RPS18: variants seen among roughly 807,000 people sequenced by gnomAD.
The protein encoded by RPS18 is ribosomal protein S18, also known as small ribosomal subunit protein uS13.
For missense variants in RPS18, 49 were observed against 200.8 expected (o/e 0.24, Z 4.57); for synonymous variants, 64 against 70.9 (o/e 0.90, Z 0.49).
rs778810749 is a variant in RPS18 at position 33,272,105 on chromosome 6, G to C, written c.-15G>C. 1.0e-5 allele frequency: 16 copies of C among 1,567,232 alleles called. No homozygotes were observed. Among genetic ancestry groups the C allele is most frequent in the Middle Eastern group, 1.7e-4 (1 of 6,032 alleles). On this transcript the variant is annotated 5_prime_UTR_variant, in exon 1 of 6. Coordinates refer to ENST00000439602, the MANE Select transcript of RPS18 (RefSeq NM_022551.3). ...TTCCACAGGAGGCCTACACGCCGCCGCTTGTGCTGCAGCCATGGTAAGACT... is the reference window on the plus strand; with the variant it reads ...TTCCACAGGAGGCCTACACGCCGCCCCTTGTGCTGCAGCCATGGTAAGACT...
At chr6:33,275,598 C>T (rs551655388) in intron 2 of RPS18, 199 bp from the exon 3 acceptor site, 6 of 610,130 alleles carry the variant, frequency 9.8e-6, no homozygotes, top group South Asian at 1.9e-5. Context: ...GGATTACAGG[C>T]GTGAGCCACT....
chr6:33,275,820 T>C lies in RPS18; in HGVS notation c.126T>C (p.His42=). Residue 42 remains histidine (H), a synonymous_variant, in exon 3 of 6, where the codon CAT becomes CAC. Coordinates refer to ENST00000439602, the MANE Select transcript of RPS18 (RefSeq NM_022551.3). The part of the protein sequence containing the change: ...AIKGVGRRYA[H]VVLRKADIDL... The stretch of plus-strand genomic sequence containing the variant: ...AGGGTGTGGGCCGAAGATATGCTCA[T>C]GTGGTGTTGAGGAAAGCAGACATTG... 1.2e-6 allele frequency: 2 copies of C among 1,611,864 alleles called. No individual in the cohort carries two copies. Among genetic ancestry groups the C allele is most frequent in the South Asian group, 1.1e-5 (1 of 91,020 alleles).
chr6:33,276,044 T>G lies in RPS18; in HGVS notation c.269T>G (p.Val90Gly). ...PDWFLNRQKD[V>G]KDGKYSQVLA... ...TGGTTCTTGAACAGACAGAAGGATG[T>G]AAAGGATGGAAAATACAGCCAGGTG... The change falls in exon 4 of 6, where the codon GTA becomes GGA. Residue 90 changes from valine to glycine, a missense_variant. Coordinates refer to ENST00000439602, the MANE Select transcript of RPS18 (RefSeq NM_022551.3). The G allele has an allele frequency of 5.0e-6, 8 of 1,613,898 alleles. No homozygotes were observed. Among genetic ancestry groups the G allele is most frequent in the Non-Finnish European group, 6.8e-6 (8 of 1,179,858 alleles).
intron 2 of RPS18, among the ~76,000 whole-genome samples, chr6:33,273,297 A>G (rs1381509041): frequency 2.0e-5 from 3 of 152,208 alleles, no homozygotes; most frequent in Admixed American, 1.3e-4. Context: ...TAAGAATCGA[A>G]TCAATGAATG....
At chr6:33,275,723 C>CT (rs1196562244) in intron 2 of RPS18, 74 bp from the exon 3 acceptor site, 3 of 994,370 alleles carry the variant, frequency 3.0e-6, no homozygotes, top group African/African-American at 1.6e-5. Context: ...CCTTTGTGAG[C>CT]TTTTTGAATG....
Position 33,272,740 on chromosome 6 carries a change from G to A in RPS18, c.102+14G>A, listed in dbSNP as rs760722619. ...ACTGCCATTAAGGTAAGTGAAGTAG[G>A]GTAAGGAATAGGGAATGTAAATGAG... On this transcript the variant is annotated intron_variant, in intron 2 of 5. Transcript: ENST00000439602. 11 of 1,261,212 alleles carry A rather than the reference G, an allele frequency of 8.7e-6. No homozygotes were observed. The South Asian group carries it at 1.2e-4, about 14-fold the overall frequency. 78.1% of individuals were successfully genotyped at this position (1,261,212 alleles called of 1,614,324 possible).
rs117814038 is a variant in RPS18 at position 33,273,768 on chromosome 6, T to A, written c.102+1042T>A. Among the ~76,000 whole-genome samples, 164 of 152,314 alleles carry A rather than the reference T, an allele frequency of 1.1e-3. 6 individuals are homozygous for A. The East Asian group carries it at 0.028, about 26-fold the overall frequency. ...CACACCCATTTTGAAGTAAATCTTTTCACTTGTAAACATATAATTAAATTT... is the reference window on the plus strand; with the variant it reads ...CACACCCATTTTGAAGTAAATCTTTACACTTGTAAACATATAATTAAATTT... On this transcript the variant is annotated intron_variant, in intron 2 of 5. Transcript: ENST00000439602.
At chr6:33,276,087 A>G in intron 4 of RPS18, 21 bp downstream of exon 4, 1 of 1,608,866 alleles carries the variant, frequency 6.2e-7, no homozygotes. Context: ...AAATGAGGGC[A>G]GGATTAGAGG....
At chr6:33,275,484 T>C (rs1308197116) in intron 2 of RPS18, 2 of 315,626 alleles carry the variant, frequency 6.3e-6, no homozygotes, top group Non-Finnish European at 1.2e-5. Flanking sequence ...CTCAGCAACT[T>C]TTCTTGTATT....
chr6:33,272,770 G>C, intron 2 of RPS18, 44 bp downstream of exon 2: 1 of 971,456 alleles, frequency 1.0e-6, no homozygotes, highest in Non-Finnish European at 1.7e-6. Context: ...AATGAGAATT[G>C]GGTTGTGAAG....
At chr6:33,272,819 T>C (rs1226372502) in intron 2 of RPS18, 93 bp downstream of exon 2, 4 of 766,038 alleles carry the variant, frequency 5.2e-6, no homozygotes, top group Non-Finnish European at 9.7e-6. Context: ...GAGACTTGAG[T>C]CTCATCCAGA....
At chr6:33,273,466 GTCT>G (rs1002696843) in intron 2 of RPS18, among the ~76,000 whole-genome samples, 36 of 152,096 alleles carry the variant, frequency 2.4e-4, no homozygotes, top group Admixed American at 1.5e-3. Context: ...GGCTAGGCCT[GTCT>G]TCTTGGCTTC....
Position 33,276,172 on chromosome 6 carries a change from C to T in RPS18, c.292-4C>T. ...ACATCCCTTGCCCCCTCCTCTGAATCCAGGTCCTAGCCAATGGTCTGGACA... is the reference window on the plus strand; with the variant it reads ...ACATCCCTTGCCCCCTCCTCTGAATTCAGGTCCTAGCCAATGGTCTGGACA... On this transcript the variant is annotated splice_polypyrimidine_tract_variant and splice_region_variant and intron_variant, in intron 4 of 5. Coordinates refer to ENST00000439602, the MANE Select transcript of RPS18 (RefSeq NM_022551.3). 1 of 1,613,982 alleles carries T rather than the reference C, an allele frequency of 6.2e-7. No homozygotes were observed. The highest frequency in any genetic ancestry group is 8.5e-7 in the Non-Finnish European group (1 of 1,179,862).
rs1765308860 is a variant in RPS18 at position 33,272,737 on chromosome 6, T to C, written c.102+11T>C. 1.1e-5 allele frequency: 15 copies of C among 1,309,680 alleles called. No individual in the cohort carries two copies. Among genetic ancestry groups the C allele is most frequent in the South Asian group, 2.4e-5 (2 of 84,780 alleles). The allele number at this position is 1,309,680 out of a possible 1,614,324, so 81.1% of individuals were successfully genotyped here. Reference sequence around the variant, plus strand: ...ATCACTGCCATTAAGGTAAGTGAAGTAGGGTAAGGAATAGGGAATGTAAAT... The same window carrying C: ...ATCACTGCCATTAAGGTAAGTGAAGCAGGGTAAGGAATAGGGAATGTAAAT... On this transcript the variant is annotated intron_variant, in intron 2 of 5. Transcript: ENST00000439602.
intron 1 of RPS18, 56 bp from the exon 2 acceptor site, chr6:33,272,572 C>G: frequency 1.2e-6 from 1 of 840,076 alleles, no homozygotes; most frequent in Non-Finnish European, 2.1e-6. Context: ...CCTTATCGGC[C>G]TTACTGTTTG....
intron 2 of RPS18, among the ~76,000 whole-genome samples, chr6:33,274,418 C>T (rs1464366806): frequency 6.6e-6 from 1 of 152,210 alleles, no homozygotes; most frequent in Non-Finnish European, 1.5e-5. Flanking sequence ...CTCAGTGATC[C>T]TCCAGCCTCA....
chr6:33,275,567 C>T lies in RPS18; in HGVS notation c.103-230C>T, dbSNP rs142856325. 1.0e-4 allele frequency: 57 copies of T among 566,316 alleles called. No homozygotes were observed. The East Asian group carries it at 1.7e-3, about 17-fold the overall frequency. The allele number at this position is 566,316 out of a possible 1,614,324, so 35.1% of individuals were successfully genotyped here. On this transcript the variant is annotated intron_variant, in intron 2 of 5. Coordinates refer to ENST00000439602, the MANE Select transcript of RPS18 (RefSeq NM_022551.3). ...TCCTGCCCTCAATGTCATCTGCCCA[C>T]TTGGGCCTCCCAAAGTGCTGGGATT...
chr6:33,276,476 C>A lies in RPS18; in HGVS notation c.*10C>A, dbSNP rs778880535. The A allele has an allele frequency of 1.9e-5, 30 of 1,588,488 alleles. No homozygotes were observed. The highest frequency in any genetic ancestry group is 2.2e-5 in the East Asian group (1 of 44,774). On this transcript the variant is annotated 3_prime_UTR_variant, in exon 6 of 6. Transcript: ENST00000439602. ...GTCCAAGAAGAAATAAGTCTGTAGG[C>A]CTTGTCTGTTAATAAATAGTTTATA...
Position 33,276,071 on chromosome 6 carries a change from G to A in RPS18, c.291+5G>A, listed in dbSNP as rs372944901. 2.6e-5 allele frequency: 42 copies of A among 1,611,926 alleles called. No homozygotes were observed. Among genetic ancestry groups the A allele is most frequent in the Non-Finnish European group, 2.9e-5 (34 of 1,178,142 alleles). ...AAGGATGGAAAATACAGCCAGGTGT[G>A]TACTGAAATGAGGGCAGGATTAGAG... On this transcript the variant is annotated splice_donor_5th_base_variant and intron_variant, in intron 4 of 5. Coordinates refer to ENST00000439602, the MANE Select transcript of RPS18 (RefSeq NM_022551.3).
Sources: allele counts gnomAD v4.1 joint callset (sites outside exome capture counted in the v4.1 genomes callset), GRCh38; gene constraint gnomAD v4.1.1; transcripts MANE v1.5; gene names NCBI Gene and HGNC (gene_info 2026-07-23, HGNC 2026-07-21).